OR9G4: variants seen among roughly 807,000 people sequenced by gnomAD.
OR9G4 encodes the protein olfactory receptor 9G4.
OR9G4 carries 19 observed loss-of-function variants against 16.7 expected under a neutral mutation model. The ratio of observed to expected loss-of-function variants is 1.14; its 90% CI spans 0.79 to 1.67. The LOEUF (loss-of-function observed/expected upper bound fraction) is 1.67, where lower values mean the gene tolerates loss of function less well. Among genes scored for constraint, OR9G4 ranks in the 40% most tolerant of loss-of-function variants. OR9G4 has a pLI of 0.00. For missense variants in OR9G4, 428 were observed against 370.4 expected (o/e 1.16, Z -1.28); for synonymous variants, 182 against 146.2 (o/e 1.24, Z -1.76).
chr11:56,746,651 G>A (rs1276524623), intron 1 of OR9G4, among the ~76,000 whole-genome samples: 1 of 152,100 alleles, frequency 6.6e-6, no homozygotes, highest in African/African-American at 2.4e-5. Context: ...GTTTAAAGTT[G>A]AATTCCTAAT....
At chr11:56,746,916 C>CTT (rs1858424779) in intron 1 of OR9G4, among the ~76,000 whole-genome samples, 1 of 151,644 alleles carries the variant, frequency 6.6e-6, no homozygotes, top group Non-Finnish European at 1.5e-5. Context: ...CACTTTCTAA[C>CTT]TCATCTACAC....
chr11:56,743,999 T>A, intron 1 of OR9G4: 1 of 585,954 alleles, frequency 1.7e-6, no homozygotes. Flanking sequence ...ATTAACTATT[T>A]AATGCAGGAC....
Position 56,741,467 on chromosome 11 carries a change from A to T in OR9G4, c.*1361T>A, listed in dbSNP as rs1350075491. ...ACTATTATGGAGATGAAAAGAAAAC[A>T]TAATATGGATCATTGATATTTGCGG... On this transcript the variant is annotated 3_prime_UTR_variant, in exon 2 of 2. Transcript: ENST00000641668. 1 of 155,850 alleles carries T rather than the reference A, an allele frequency of 6.4e-6. No homozygotes were observed. Among genetic ancestry groups the T allele is most frequent in the East Asian group, 1.9e-4 (1 of 5,284 alleles). 9.7% of individuals were successfully genotyped at this position (155,850 alleles called of 1,614,324 possible). A position where few individuals can be genotyped will look rare whatever the true frequency, so the allele number is the denominator to read the frequency against.
chr11:56,747,031 T>A (rs1293137047), intron 1 of OR9G4, among the ~76,000 whole-genome samples: 1 of 152,124 alleles, frequency 6.6e-6, no homozygotes, highest in African/African-American at 2.4e-5. Context: ...TCCCAATTTA[T>A]TCCAAGTTAA....
chr11:56,743,434 T>A lies in OR9G4; in HGVS notation c.333A>T (p.Glu111Asp). 1 of 1,614,090 alleles carries A rather than the reference T, an allele frequency of 6.2e-7. No individual in the cohort carries two copies. Among genetic ancestry groups the A allele is most frequent in the Middle Eastern group, 1.6e-4 (1 of 6,062 alleles). Residue 111 changes from glutamate to aspartate, a missense_variant, in exon 2 of 2, where the codon GAA (glutamate) becomes GAT (aspartate). Glu to Asp is a conservative substitution (Grantham distance 45). Transcript: ENST00000641668. ...LFFSCVVAYT[E>D]CYLLAAMAYD... ...ATGCCATGGCTGCCAGGAGATAGCA[T>A]TCAGTGTAGGCTACAACACAGGAAA...
chr11:56,746,109 C>T (rs1339940066), intron 1 of OR9G4, among the ~76,000 whole-genome samples: 1 of 151,368 alleles, frequency 6.6e-6, no homozygotes, highest in Non-Finnish European at 1.5e-5. Flanking sequence ...CCGGCTAAAA[C>T]GGTGAAACCC....
intron 1 of OR9G4, among the ~76,000 whole-genome samples, chr11:56,747,219 C>G (rs944285131): frequency 8.4e-6 from 1 of 119,654 alleles, no homozygotes; most frequent in Non-Finnish European, 1.9e-5. Context: ...TATTATTATA[C>G]TTTAAGTTCT....
rs1336778279 is a variant in OR9G4 at position 56,741,242 on chromosome 11, G to C, written c.*1586C>G. 38 of 331,424 alleles carry C rather than the reference G, an allele frequency of 1.1e-4. No individual in the cohort carries two copies. The Admixed American group carries it at 1.8e-3, about 15-fold the overall frequency. The allele number at this position is 331,424 out of a possible 1,614,324, so 20.5% of individuals were successfully genotyped here. A position where few individuals can be genotyped will look rare whatever the true frequency, so the allele number is the denominator to read the frequency against. On this transcript the variant is annotated 3_prime_UTR_variant, in exon 2 of 2. Coordinates refer to ENST00000641668, the MANE Select transcript of OR9G4 (RefSeq NM_001005284.2). Reference sequence around the variant, plus strand: ...AATTGTGTTTCTTTGTGTTTCGTTTGTTTGTTATGATTTTGAGATCAGACT... The same window carrying C: ...AATTGTGTTTCTTTGTGTTTCGTTTCTTTGTTATGATTTTGAGATCAGACT...
At position 56,743,639 on chromosome 11, in the gene OR9G4, ATGTTTCC is replaced by A; in HGVS notation, c.121_127del (p.Gly41Ter). The A allele has an allele frequency of 6.2e-7, 1 of 1,613,994 alleles. No homozygotes were observed. The highest frequency in any genetic ancestry group is 8.5e-7 in the Non-Finnish European group (1 of 1,179,860). ...AGTTCGGATTAAGATAACCAAGGTCATGTTTCCTGACAAGGTTATCAAATAGAGCATC... is the reference window on the plus strand; with the variant it reads ...AGTTCGGATTAAGATAACCAAGGTCATGACAAGGTTATCAAATAGAGCATC... On this transcript the variant is annotated frameshift_variant, in exon 2 of 2. Transcript: ENST00000641668. LOFTEE classifies it high-confidence loss of function.
rs752320432 is a variant in OR9G4, at chr11:56,743,685, A to G, written c.82T>C (p.Phe28Leu). ...SADSQWQPIL[F>L]GVFLMLYLIT... ...AAATAGAGCATCAGAAACACTCCAA[A>G]TAGAATCGGCTGCCACTGGGAATCT... The change falls in exon 2 of 2, where the codon TTT (phenylalanine) becomes CTT (leucine). Residue 28 changes from phenylalanine (F) to leucine (L), a missense_variant. By Grantham distance (22) the Phe-to-Leu change is conservative (BLOSUM62 0). Coordinates refer to ENST00000641668, the MANE Select transcript of OR9G4 (RefSeq NM_001005284.2). 6.2e-7 allele frequency: 1 copy of G among 1,614,194 alleles called. No individual in the cohort carries two copies. The highest frequency in any genetic ancestry group is 8.5e-7 in the Non-Finnish European group (1 of 1,180,020).
At chr11:56,746,250 G>A (rs1858412585) in intron 1 of OR9G4, among the ~76,000 whole-genome samples, 1 of 120,226 alleles carries the variant, frequency 8.3e-6, no homozygotes, top group South Asian at 2.8e-4. Context: ...CCGAGATCCC[G>A]CCACTGCACT....
At position 56,743,160 on chromosome 11, in the gene OR9G4, C is replaced by A; in HGVS notation, c.607G>T (p.Val203Leu). The A allele has an allele frequency of 3.1e-6, 5 of 1,614,028 alleles. No individual in the cohort carries two copies. Among genetic ancestry groups the A allele is most frequent in the Non-Finnish European group, 4.2e-6 (5 of 1,179,946 alleles). Residue 203 changes from valine (V) to leucine (L), a missense_variant, in exon 2 of 2, where the codon GTG becomes TTG. Physicochemically the swap from Val to Leu is conservative, Grantham distance 32. Transcript: ENST00000641668. ...RVYEKVLLGVVGFTVLSSILA... is the reference protein window; with the variant it reads ...RVYEKVLLGVLGFTVLSSILA... Reference sequence around the variant, plus strand: ...ATGCTGGAGAGTACTGTGAAGCCCACCACACCAAGCAGGACTTTTTCGTAG... The same window carrying A: ...ATGCTGGAGAGTACTGTGAAGCCCAACACACCAAGCAGGACTTTTTCGTAG...
rs1172246341 is a variant in OR9G4, at chr11:56,743,520, C to A, written c.247G>T (p.Ala83Ser). ...CGCTTATCTTCTGAGACACAACTGGCCAGGATTTTGGGGGTATACACAGAG... is the reference window on the plus strand; with the variant it reads ...CGCTTATCTTCTGAGACACAACTGGACAGGATTTTGGGGGTATACACAGAG... ...YTSVYTPKILASCVSEDKRIS... is the reference protein window; with the variant it reads ...YTSVYTPKILSSCVSEDKRIS... The change falls in exon 2 of 2, where the codon GCC becomes TCC. Residue 83 changes from alanine (A) to serine (S), a missense_variant. By Grantham distance (99) the Ala-to-Ser change is moderately conservative. Coordinates refer to ENST00000641668, the MANE Select transcript of OR9G4 (RefSeq NM_001005284.2). 6.2e-7 allele frequency: 1 copy of A among 1,613,890 alleles called. No individual in the cohort carries two copies. Among genetic ancestry groups the A allele is most frequent in the Non-Finnish European group, 8.5e-7 (1 of 1,180,020 alleles).
rs1264480282 is a variant in OR9G4 at position 56,743,016 on chromosome 11, A to C, written c.751T>G (p.Phe251Val). The C allele has an allele frequency of 1.9e-6, 3 of 1,614,006 alleles. No homozygotes were observed. In the Admixed American group the frequency reaches 5.0e-5, roughly 27 times the overall value. The change falls in exon 2 of 2, where the codon TTC becomes GTC. Residue 251 changes from phenylalanine to valine, a missense_variant. By Grantham distance (50) the Phe-to-Val change is conservative. Transcript: ENST00000641668. ...CASHLISVML[F>V]YGSLLFMYSR... ...TACATAAACAACAATGATCCATAGAAGAGCATGACTGAGATGAGGTGGGAA... is the reference window on the plus strand; with the variant it reads ...TACATAAACAACAATGATCCATAGACGAGCATGACTGAGATGAGGTGGGAA...
At chr11:56,746,586 C>G (rs938135254) in intron 1 of OR9G4, among the ~76,000 whole-genome samples, 1 of 152,090 alleles carries the variant, frequency 6.6e-6, no homozygotes, top group African/African-American at 2.4e-5. Flanking sequence ...TAAGTTTGGT[C>G]GGGTGCTAAT....
chr11:56,742,920 G>C lies in OR9G4; in HGVS notation c.847C>G (p.Pro283Ala). Residue 283 changes from proline (P) to alanine (A), a missense_variant, in exon 2 of 2, where the codon CCA becomes GCA. Transcript: ENST00000641668. ...VAALFYTVIN[P>A]LLNPLIYSLR... The stretch of plus-strand genomic sequence containing the variant: ...CTATAGATGAGAGGGTTGAGCAGTG[G>C]GTTGATCACGGTGTAGAACAGAGCA... 6.2e-7 allele frequency: 1 copy of C among 1,614,020 alleles called. No homozygotes were observed. The highest frequency in any genetic ancestry group is 8.5e-7 in the Non-Finnish European group (1 of 1,179,956).
rs1350474993 is a variant in OR9G4, at chr11:56,741,422, A to G, written c.*1406T>C. ...TGTTCTTTCCCATAATATTGACCCA[A>G]TTATTTTTCCTACATAGTGACTATT... On this transcript the variant is annotated 3_prime_UTR_variant, in exon 2 of 2. Coordinates refer to ENST00000641668, the MANE Select transcript of OR9G4 (RefSeq NM_001005284.2). 1 of 168,928 alleles carries G rather than the reference A, an allele frequency of 5.9e-6. No individual in the cohort carries two copies. The highest frequency in any genetic ancestry group is 1.3e-5 in the Non-Finnish European group (1 of 78,952). The allele number at this position is 168,928 out of a possible 1,614,324, so 10.5% of individuals were successfully genotyped here. A position where few individuals can be genotyped will look rare whatever the true frequency, so the allele number is the denominator to read the frequency against.
At chr11:56,745,617 T>G (rs1858395438) in intron 1 of OR9G4, among the ~76,000 whole-genome samples, 1 of 151,776 alleles carries the variant, frequency 6.6e-6, no homozygotes, top group East Asian at 1.9e-4. Flanking sequence ...CTGTCTCTAC[T>G]AAAAATCAGC....
Position 56,741,769 on chromosome 11 carries a change from GTGATT to G in OR9G4, c.*1054_*1058del, listed in dbSNP as rs1468473015. 6.6e-6 allele frequency: 1 copy of G among 151,582 alleles called. No individual in the cohort carries two copies. The highest frequency in any genetic ancestry group is 1.5e-5 in the Non-Finnish European group (1 of 68,044). 9.4% of individuals were successfully genotyped at this position (151,582 alleles called of 1,614,324 possible). A position where few individuals can be genotyped will look rare whatever the true frequency, so the allele number is the denominator to read the frequency against. On this transcript the variant is annotated 3_prime_UTR_variant, in exon 2 of 2. Transcript: ENST00000641668. ...TTGCTAACCTCTGAGCTGCAAGCTTGTGATTTGAAAATTGTAACCATTAATCCTTA... is the reference window on the plus strand; with the variant it reads ...TTGCTAACCTCTGAGCTGCAAGCTTGTGAAAATTGTAACCATTAATCCTTA...
Sources: allele counts gnomAD v4.1 joint callset (sites outside exome capture counted in the v4.1 genomes callset), GRCh38; gene constraint gnomAD v4.1.1; transcripts MANE v1.5; gene names NCBI Gene and HGNC (gene_info 2026-07-23, HGNC 2026-07-21).